MAN2B1: variants seen among roughly 807,000 people sequenced by gnomAD.
MAN2B1 encodes the protein lysosomal alpha-mannosidase.
In MAN2B1, 99 loss-of-function variants were observed where a neutral mutation model predicts 127.5. The ratio of observed to expected loss-of-function variants is 0.78; its 90% CI spans 0.66 to 0.92. The LOEUF (loss-of-function observed/expected upper bound fraction) is 0.92, where lower values mean the gene tolerates loss of function less well. Ranked by LOEUF, MAN2B1 falls within the 40% of genes least tolerant of loss-of-function variation. The pLI is 0.00. For missense variants in MAN2B1, 1,304 were observed against 1,384.8 expected (o/e 0.94, Z 0.93); for synonymous variants, 573 against 568.8 (o/e 1.01, Z -0.11).
chr19:12,646,715 T>A lies in MAN2B1; in HGVS notation c.2941A>T (p.Thr981Ser). The A allele has an allele frequency of 1.2e-6, 2 of 1,613,584 alleles. No homozygotes were observed. Among genetic ancestry groups the A allele is most frequent in the Non-Finnish European group, 1.7e-6 (2 of 1,179,792 alleles). ...TTGGCCGGGTCCAGCTGGTACGGAG[T>A]TTGGTGGGGTGTGGGGCCTGGAGAG... is the stretch of plus-strand genomic sequence containing the variant. ...TTNTGPTPHQ[T>S]PYQLDPANIT... Residue 981 changes from threonine to serine, a missense_variant, in exon 24 of 24, where the codon ACT becomes TCT. Coordinates refer to ENST00000456935, the MANE Select transcript of MAN2B1 (RefSeq NM_000528.4).
chr19:12,665,121 T>G, intron 3 of MAN2B1, 136 bp from the exon 4 acceptor site: 1 of 1,048,814 alleles, frequency 9.5e-7, no homozygotes, highest in Non-Finnish European at 1.4e-6. Context: ...TCCCAGGCCA[T>G]AGTTCCCAGA....
chr19:12,664,593 A>T (rs1247488525), intron 4 of MAN2B1, among the ~76,000 whole-genome samples, 199 bp downstream of exon 4: 1 of 152,212 alleles, frequency 6.6e-6, no homozygotes, highest in Non-Finnish European at 1.5e-5. Context: ...GAGCTGGGTC[A>T]GCCTGGGCTG....
chr19:12,651,526 G>A (rs917797448), intron 16 of MAN2B1, among the ~76,000 whole-genome samples: 40 of 152,190 alleles, frequency 2.6e-4, no homozygotes, highest in African/African-American at 9.4e-4. Context: ...TCTTATTCTA[G>A]TCACAGTTAA....
rs1281701206 is a variant in MAN2B1 at position 12,663,449 on chromosome 19, A to C, written c.777T>G (p.Asn259Lys). The change falls in exon 6 of 24, where the codon AAT becomes AAG. Residue 259 changes from asparagine (N) to lysine (K), a missense_variant. By Grantham distance (94) the Asn-to-Lys change is moderately conservative. Transcript: ENST00000456935. ...TADLFTGVLP[N>K]GYNPPRNLCW... Reference sequence around the variant, plus strand: ...ACAGATTCCTTGGCGGGTTGTAACCATTGGGAAGCACACCTGCAGGTCACA... The same window carrying C: ...ACAGATTCCTTGGCGGGTTGTAACCCTTGGGAAGCACACCTGCAGGTCACA... 1.2e-6 allele frequency: 2 copies of C among 1,614,050 alleles called. No homozygotes were observed. Among genetic ancestry groups the C allele is most frequent in the Non-Finnish European group, 8.5e-7 (1 of 1,180,020 alleles).
chr19:12,654,211 T>C (rs2023909563), intron 14 of MAN2B1, among the ~76,000 whole-genome samples: 1 of 151,962 alleles, frequency 6.6e-6, no homozygotes, highest in African/African-American at 2.4e-5. Flanking sequence ...CCTGGCTAAA[T>C]TTTTTGTATT....
chr19:12,646,763 G>A, intron 23 of MAN2B1, 31 bp from the exon 24 acceptor site: 1 of 1,505,046 alleles, frequency 6.6e-7, no homozygotes, highest in Non-Finnish European at 9.3e-7. Context: ...GGAGGAGTGA[G>A]GAGGTGCAGA....
chr19:12,661,033 A>G, intron 7 of MAN2B1: 1 of 452,868 alleles, frequency 2.2e-6, no homozygotes, highest in Non-Finnish European at 4.2e-6. Context: ...CTGGGATTAC[A>G]GGCATGAGCC....
At position 12,648,241 on chromosome 19, in the gene MAN2B1, G is replaced by T. The variant is rs781357715; in HGVS notation, c.2598C>A (p.Ala866=). ...HRLLAEQEVL[A]PQVVLAPGGG... ...CACCCGGGGCCAGCACCACCTGAGGGGCCAGGACCTCCTGCTCCGCCAGGA... is the reference window on the plus strand; with the variant it reads ...CACCCGGGGCCAGCACCACCTGAGGTGCCAGGACCTCCTGCTCCGCCAGGA... The change falls in exon 21 of 24, where the codon GCC becomes GCA. Residue 866 remains alanine (A), a synonymous_variant. Transcript: ENST00000456935. 1.9e-6 allele frequency: 3 copies of T among 1,594,954 alleles called. No homozygotes were observed. In the East Asian group the frequency reaches 6.9e-5, roughly 37 times the overall value.
chr19:12,659,683 G>A (rs933300452), intron 7 of MAN2B1, among the ~76,000 whole-genome samples: 3 of 152,114 alleles, frequency 2.0e-5, no homozygotes, highest in Non-Finnish European at 4.4e-5. Flanking sequence ...GCCAGGGTTG[G>A]TGGCACATGC....
chr19:12,649,858 C>CCCCGGCCCCCA, intron 18 of MAN2B1, 55 bp downstream of exon 18: 3 of 1,405,202 alleles, frequency 2.1e-6, no homozygotes, highest in Non-Finnish European at 1.0e-6. Flanking sequence ...CCTCACCACC[C>CCCCGGCCCCCA]CTGGGCCCCA....
rs771195764 is a variant in MAN2B1, at chr19:12,652,474, G to C, written c.1831-14C>G. The C allele has an allele frequency of 3.1e-6, 5 of 1,593,434 alleles. No individual in the cohort carries two copies. The highest frequency in any genetic ancestry group is 2.2e-5 in the South Asian group (2 of 90,658). ...TGCCCGGATGTGCTGGGCAGAAAAG[G>C]GTCCACAGATGGGTTTGTGTGTGTA... On this transcript the variant is annotated splice_polypyrimidine_tract_variant and intron_variant, in intron 14 of 23. Transcript: ENST00000456935.
intron 11 of MAN2B1, 62 bp from the exon 12 acceptor site, chr19:12,657,118 C>A: frequency 2.0e-6 from 2 of 991,926 alleles, no homozygotes; most frequent in Non-Finnish European, 3.1e-6. Flanking sequence ...CTCCCCTCTC[C>A]TCAGGCCCCG....
chr19:12,650,071 T>G, intron 17 of MAN2B1, 33 bp downstream of exon 17: 1 of 1,610,980 alleles, frequency 6.2e-7, no homozygotes, highest in Non-Finnish European at 8.5e-7. Flanking sequence ...CTGCCCTTGC[T>G]TCCACACCCC....
Position 12,664,948 on chromosome 19 carries a change from G to C in MAN2B1, c.474C>G (p.Asn158Lys). The stretch of plus-strand genomic sequence containing the variant: ...CACCGTAGTGGGTGGCTGCCTCATC[G>C]TTCATCACCCAGCCACCATTGGCGA... ...LEFANGGWVM[N>K]DEAATHYGAI... Residue 158 changes from asparagine to lysine, a missense_variant, in exon 4 of 24, where the codon AAC (asparagine) becomes AAG (lysine). Asn to Lys is a moderately conservative substitution (Grantham distance 94). Transcript: ENST00000456935. 1 of 1,614,054 alleles carries C rather than the reference G, an allele frequency of 6.2e-7. No homozygotes were observed. Among genetic ancestry groups the C allele is most frequent in the Non-Finnish European group, 8.5e-7 (1 of 1,180,026 alleles).
intron 5 of MAN2B1, 56 bp from the exon 6 acceptor site, chr19:12,663,518 CAA>C (rs1333985236): frequency 6.2e-7 from 1 of 1,604,378 alleles, no homozygotes; most frequent in African/African-American, 1.3e-5. Context: ...TCCCTGGTTT[CAA>C]AGCCGGCCAT....
intron 5 of MAN2B1, 54 bp downstream of exon 5, chr19:12,663,649 G>T (rs2024160957): frequency 8.9e-6 from 14 of 1,571,368 alleles, no homozygotes; most frequent in Non-Finnish European, 1.1e-5. Context: ...CAAGCCCAGG[G>T]CCCTTCTGAG....
intron 12 of MAN2B1, 54 bp from the exon 13 acceptor site, chr19:12,656,741 C>T: frequency 2.2e-6 from 3 of 1,358,478 alleles, no homozygotes; most frequent in Non-Finnish European, 3.2e-6. Flanking sequence ...TTCTCCAAAC[C>T]CACCCACTTT....
intron 18 of MAN2B1, 104 bp downstream of exon 18, chr19:12,649,809 C>A (rs932784735): frequency 2.0e-6 from 2 of 1,011,262 alleles, no homozygotes; most frequent in Non-Finnish European, 1.6e-6. Flanking sequence ...ACTCTCCCTT[C>A]GTCCTCTGTC....
intron 2 of MAN2B1, 69 bp from the exon 3 acceptor site, chr19:12,665,594 C>A: frequency 1.3e-6 from 2 of 1,599,414 alleles, no homozygotes. Flanking sequence ...GACAGAGGAG[C>A]CCAAACCCTG....
Sources: allele counts gnomAD v4.1 joint callset (sites outside exome capture counted in the v4.1 genomes callset), GRCh38; gene constraint gnomAD v4.1.1; transcripts MANE v1.5; gene names NCBI Gene and HGNC (gene_info 2026-07-23, HGNC 2026-07-21).